Variants in ADGRG1 observed in about 807,000 individuals in gnomAD.
ADGRG1 encodes 7-transmembrane protein with no EGF-like N-terminal domains-1.
In ADGRG1, 53 loss-of-function variants were observed where a neutral mutation model predicts 73.5. The ratio of observed to expected loss-of-function variants is 0.72; its 90% CI spans 0.58 to 0.91. The LOEUF (loss-of-function observed/expected upper bound fraction) is 0.91. ADGRG1 is among the 40% of genes least tolerant of loss of function. The probability of loss-of-function intolerance (pLI) is 0.00; values close to 1 mark genes in which losing one functional copy is unlikely to be tolerated. For missense variants in ADGRG1, 795 were observed against 871.8 expected, an observed-to-expected ratio of 0.91 and a Z score of 1.11; for synonymous variants, 394 against 374.4, an observed-to-expected ratio of 1.05 and a Z score of -0.60.
At chr16:57,654,853 C>T (rs1398861974) in intron 5 of ADGRG1, 1 of 156,202 alleles carries the variant, frequency 6.4e-6, no homozygotes, top group African/African-American at 2.4e-5. Context: ...ACACTCCAGC[C>T]TGGGCAACAG....
At chr16:57,636,462 G>A (rs775471916) in intron 1 of ADGRG1, 95 of 985,142 alleles carry the variant, frequency 9.6e-5, no homozygotes, top group Admixed American at 1.8e-4. Flanking sequence ...CTTGGGAACC[G>A]TTCTCTGGCC....
At chr16:57,644,835 T>TCA (rs59882563) in intron 1 of ADGRG1, among the ~76,000 whole-genome samples, 14,023 of 127,834 alleles carry the variant, frequency 0.11, 935 homozygotes, top group East Asian at 0.35. Context: ...CACACACTGA[T>TCA]CACACTCATG....
upstream of ADGRG1, chr16:57,623,719 A>G (rs552917595): frequency 3.5e-6 from 3 of 848,184 alleles, no homozygotes; most frequent in Non-Finnish European, 4.3e-6. Flanking sequence ...CGGCTGAGTC[A>G]CATGTGCAAC....
At position 57,660,814 on chromosome 16, in the gene ADGRG1, C is replaced by A; in HGVS notation, c.1602C>A (p.Asp534Glu). The A allele has an allele frequency of 6.2e-7, 1 of 1,613,492 alleles. No homozygotes were observed. Among genetic ancestry groups the A allele is most frequent in the Non-Finnish European group, 8.5e-7 (1 of 1,179,440 alleles). The change falls in exon 12 of 14, where the codon GAC becomes GAA. Residue 534 changes from aspartate (D) to glutamate (E), a missense_variant. Coordinates refer to ENST00000562631, the MANE Select transcript of ADGRG1 (RefSeq NM_201525.4). The part of the protein sequence containing the change: ...LVTLVALVDV[D>E]NYGPIILAVH... ...CGCTGGTGGCCCTGGTGGATGTGGA[C>A]AACTATGGCCCCATCATCTTGGCTG...
At chr16:57,637,148 G>C (rs1329209132) in intron 1 of ADGRG1, 3 of 197,708 alleles carry the variant, frequency 1.5e-5, no homozygotes, top group African/African-American at 7.1e-5. Context: ...ACGGGAGTAG[G>C]CTTGTGGTCA....
At chr16:57,662,700 C>A (rs1179744471) in intron 13 of ADGRG1, among the ~76,000 whole-genome samples, 1 of 151,240 alleles carries the variant, frequency 6.6e-6, no homozygotes, top group Non-Finnish European at 1.5e-5. Flanking sequence ...CGGGTCGGGG[C>A]GGAGAGGTGG....
At chr16:57,646,374 G>T in intron 1 of ADGRG1, 1 of 985,448 alleles carries the variant, frequency 1.0e-6, no homozygotes. Flanking sequence ...GGTGGGGTGG[G>T]GGTCTCAGCT....
intron 1 of ADGRG1, chr16:57,635,091 G>T (rs1161506552): frequency 3.0e-6 from 3 of 985,242 alleles, no homozygotes; most frequent in Non-Finnish European, 3.6e-6. Flanking sequence ...AGGGAGGTCA[G>T]GAGGGCAGGA....
At chr16:57,662,132 C>A (rs970616776) in intron 13 of ADGRG1, among the ~76,000 whole-genome samples, 167 bp downstream of exon 13, 2 of 152,208 alleles carry the variant, frequency 1.3e-5, no homozygotes, top group Non-Finnish European at 2.9e-5. Flanking sequence ...TGATTGAGCA[C>A]CTACTATGTG....
chr16:57,658,417 C>G (rs2046272067), intron 10 of ADGRG1, among the ~76,000 whole-genome samples: 1 of 152,226 alleles, frequency 6.6e-6, no homozygotes, highest in Admixed American at 6.5e-5. Context: ...TCCACTTGCC[C>G]TCAGCGCTGA....
chr16:57,632,367 C>A, intron 1 of ADGRG1: 1 of 957,238 alleles, frequency 1.0e-6, no homozygotes, highest in Non-Finnish European at 1.2e-6. Flanking sequence ...GCCTGTGCCT[C>A]GGTTTCCTCA....
chr16:57,652,033 A>G, intron 3 of ADGRG1: 1 of 1,082,790 alleles, frequency 9.2e-7, no homozygotes, highest in Non-Finnish European at 1.1e-6. Flanking sequence ...ATTTCCTTTC[A>G]CAGAGGAGGA....
chr16:57,659,161 C>T lies in ADGRG1; in HGVS notation c.1287-252C>T, dbSNP rs534339560. On this transcript the variant is annotated intron_variant, in intron 10 of 13. Coordinates refer to ENST00000562631, the MANE Select transcript of ADGRG1 (RefSeq NM_201525.4). ...TTTATTACTGTGGTTGTCTTCCTCG[C>T]TCTGCCTGGCTGAGGCTTCTGTTAA... is the stretch of plus-strand genomic sequence containing the variant. The T allele has an allele frequency of 5.1e-6, 5 of 985,276 alleles. No homozygotes were observed. The African/African-American group carries it at 7.0e-5, about 14-fold the overall frequency. 61.0% of individuals were successfully genotyped at this position (985,276 alleles called of 1,614,324 possible). A position where few individuals can be genotyped will look rare whatever the true frequency, so the allele number is the denominator to read the frequency against.
intron 1 of ADGRG1, chr16:57,642,717 C>T (rs2041164554): frequency 2.2e-5 from 19 of 880,132 alleles, no homozygotes; most frequent in Non-Finnish European, 2.6e-5. Flanking sequence ...AGACTGAGTC[C>T]CAGAGAAGAG....
chr16:57,634,323 G>T (rs2038806540), intron 1 of ADGRG1: 1 of 985,298 alleles, frequency 1.0e-6, no homozygotes, highest in African/African-American at 1.7e-5. Flanking sequence ...CTAGGGGTGA[G>T]CCCAAGGGGC....
chr16:57,651,259 C>G lies in ADGRG1; in HGVS notation c.124C>G (p.His42Asp). ...FRFCSQRNQT[H>D]RSSLHYKPTP... is the part of the protein sequence containing the mutation. ...CTTCTGCAGCCAGCGGAACCAGACACACAGGAGCAGCCTCCACTACAAACC... is the reference window on the plus strand; with the variant it reads ...CTTCTGCAGCCAGCGGAACCAGACAGACAGGAGCAGCCTCCACTACAAACC... Residue 42 changes from histidine (H) to aspartate (D), a missense_variant, in exon 3 of 14, where the codon CAC becomes GAC. His to Asp is a moderately conservative substitution (Grantham distance 81). Transcript: ENST00000562631. 2 of 1,614,224 alleles carry G rather than the reference C, an allele frequency of 1.2e-6. No individual in the cohort carries two copies. The highest frequency in any genetic ancestry group is 1.1e-5 in the South Asian group (1 of 91,080).
chr16:57,653,696 C>T (rs2044724426), intron 4 of ADGRG1: 1 of 825,288 alleles, frequency 1.2e-6, no homozygotes, highest in African/African-American at 1.9e-5. Flanking sequence ...GTGCTGAGTC[C>T]CAGGACAGCC....
chr16:57,656,019 A>G, intron 7 of ADGRG1, 27 bp downstream of exon 7: 1 of 1,613,896 alleles, frequency 6.2e-7, no homozygotes, highest in Non-Finnish European at 8.5e-7. Context: ...CATCAAGAGA[A>G]CAAGCGCCCC....
chr16:57,650,123 A>G (rs1169855032), intron 1 of ADGRG1, 130 bp from the exon 2 acceptor site: 13 of 1,514,650 alleles, frequency 8.6e-6, no homozygotes, highest in Non-Finnish European at 1.1e-5. Flanking sequence ...GGGGAGGTCC[A>G]TGGGCTTTTT....
Sources: allele counts gnomAD v4.1 joint callset (sites outside exome capture counted in the v4.1 genomes callset), GRCh38; gene constraint gnomAD v4.1.1; transcripts MANE v1.5; gene names NCBI Gene and HGNC (gene_info 2026-07-23, HGNC 2026-07-21).